Variants in PCOLCE2 observed in about 807,000 individuals in gnomAD.
The protein encoded by PCOLCE2 is procollagen C-endopeptidase enhancer 2.
PCOLCE2 carries 42 observed loss-of-function variants against 47.0 expected under a neutral mutation model. The observed-to-expected ratio is 0.89, with a 90% CI of 0.70 to 1.16. PCOLCE2 has a LOEUF of 1.16. PCOLCE2 is among the 50% of genes most tolerant of loss of function. The pLI is 0.00. For synonymous variants in PCOLCE2, 169 were observed against 191.7 expected (o/e 0.88, Z 0.98); for missense variants, 500 against 526.1 (o/e 0.95, Z 0.49).
chr3:142,818,094 T>C lies in PCOLCE2; in HGVS notation c.*241A>G. On this transcript the variant is annotated 3_prime_UTR_variant, in exon 9 of 9. Coordinates refer to ENST00000295992, the MANE Select transcript of PCOLCE2 (RefSeq NM_013363.4). ...TCAACGCTTGACACTTTTAGCTTCC[T>C]ATCACCGCACTAAGTCGGCAGGTTT... 1 of 386,362 alleles carries C rather than the reference T, an allele frequency of 2.6e-6. No homozygotes were observed. The highest frequency in any genetic ancestry group is 4.7e-6 in the Non-Finnish European group (1 of 212,874). The allele number at this position is 386,362 out of a possible 1,614,324, so 23.9% of individuals were successfully genotyped here.
intron 3 of PCOLCE2, chr3:142,846,798 G>A (rs977155968): frequency 1.3e-5 from 2 of 151,972 alleles, no homozygotes; most frequent in Admixed American, 1.3e-4. Context: ...TTTATCTCTA[G>A]AATTATTAAT....
intron 3 of PCOLCE2, among the ~76,000 whole-genome samples, chr3:142,843,648 G>A (rs180742439): frequency 3.9e-5 from 6 of 152,030 alleles, no homozygotes; most frequent in Non-Finnish European, 8.8e-5. Flanking sequence ...AAATTAATAG[G>A]TGACAAATAT....
intron 2 of PCOLCE2, among the ~76,000 whole-genome samples, chr3:142,885,482 G>A (rs1933704065): frequency 6.6e-6 from 1 of 152,252 alleles, no homozygotes; most frequent in Non-Finnish European, 1.5e-5. Context: ...ACCTTTAATA[G>A]ATGGCCTTGG....
intron 2 of PCOLCE2, among the ~76,000 whole-genome samples, chr3:142,876,946 A>T (rs779633178): frequency 1.6e-4 from 24 of 152,240 alleles, no homozygotes; most frequent in Non-Finnish European, 3.4e-4. Flanking sequence ...ACTCACCAGC[A>T]CAACAGTGGA....
chr3:142,818,534 A>G, intron 8 of PCOLCE2, 69 bp from the exon 9 acceptor site: 2 of 1,116,864 alleles, frequency 1.8e-6, no homozygotes, highest in South Asian at 2.5e-5. Context: ...TTAGACTGTA[A>G]GTTACCTCTA....
chr3:142,867,476 T>A (rs13078152), intron 2 of PCOLCE2, among the ~76,000 whole-genome samples: 4,288 of 152,140 alleles, frequency 0.028, 89 homozygotes, highest in Middle Eastern at 0.068. Flanking sequence ...GGAAAAAAAA[T>A]TTGCAATACA....
At position 142,838,842 on chromosome 3, in the gene PCOLCE2, A is replaced by T; in HGVS notation, c.638T>A (p.Val213Glu). Residue 213 changes from valine (V) to glutamate (E), a missense_variant, in exon 5 of 9, where the codon GTG becomes GAG. By Grantham distance (121) the Val-to-Glu change is moderately radical (BLOSUM62 -2). Transcript: ENST00000295992. ...ERDNYCRYDY[V>E]AVFNGGEVND... is the part of the protein sequence containing the mutation. ...GACTTCCCCGCCATTAAACACAGCC[A>T]CATAATCATATCGGCAGTAGTTATC... 10 of 1,612,616 alleles carry T rather than the reference A, an allele frequency of 6.2e-6. No homozygotes were observed. Among genetic ancestry groups the T allele is most frequent in the Non-Finnish European group, 8.5e-6 (10 of 1,178,606 alleles).
intron 2 of PCOLCE2, among the ~76,000 whole-genome samples, chr3:142,873,842 CA>C (rs1316454608): frequency 1.3e-5 from 2 of 152,132 alleles, no homozygotes; most frequent in Non-Finnish European, 2.9e-5. Flanking sequence ...AGAGACATAG[CA>C]GGGGAGGACA....
At chr3:142,826,325 GGAA>G (rs1937077611) in intron 6 of PCOLCE2, among the ~76,000 whole-genome samples, 1 of 152,064 alleles carries the variant, frequency 6.6e-6, no homozygotes, top group African/African-American at 2.4e-5. Flanking sequence ...CTATTTTCTA[GGAA>G]GAAGAGAAGC....
At chr3:142,877,015 T>G (rs61550656) in intron 2 of PCOLCE2, among the ~76,000 whole-genome samples, 1 of 152,124 alleles carries the variant, frequency 6.6e-6, no homozygotes, top group Non-Finnish European at 1.5e-5. Flanking sequence ...AAATACACTC[T>G]TAACCACCAT....
At chr3:142,876,486 C>T (rs1933500530) in intron 2 of PCOLCE2, among the ~76,000 whole-genome samples, 1 of 152,136 alleles carries the variant, frequency 6.6e-6, no homozygotes, top group Non-Finnish European at 1.5e-5. Context: ...AAACCACCCC[C>T]AAATTTAGTG....
At chr3:142,826,074 G>A (rs533808978) in intron 6 of PCOLCE2, among the ~76,000 whole-genome samples, 5 of 151,704 alleles carry the variant, frequency 3.3e-5, no homozygotes, top group South Asian at 4.2e-4. Flanking sequence ...GCGCGATGTC[G>A]GCTCACTGCA....
Position 142,827,714 on chromosome 3 carries a change from G to C in PCOLCE2, c.865+1978C>G. 4 of 942,312 alleles carry C rather than the reference G, an allele frequency of 4.2e-6. 1 individual carries two copies. The South Asian group carries it at 5.7e-5, about 13-fold the overall frequency. 58.4% of individuals were successfully genotyped at this position (942,312 alleles called of 1,614,324 possible). A position where few individuals can be genotyped will look rare whatever the true frequency, so the allele number is the denominator to read the frequency against. On this transcript the variant is annotated intron_variant, in intron 6 of 8. Transcript: ENST00000295992. The stretch of plus-strand genomic sequence containing the variant: ...CTTGGGGAGGGGCGCGCTGTGACCC[G>C]AGTTGTGGATGATGGGTGACTCTTA...
chr3:142,840,430 C>T (rs1937252366), intron 4 of PCOLCE2, among the ~76,000 whole-genome samples: 1 of 152,180 alleles, frequency 6.6e-6, no homozygotes, highest in Non-Finnish European at 1.5e-5. Context: ...TCTTGCCGAG[C>T]AGCAAGTGGG....
At chr3:142,887,145 T>C (rs1483673325) in intron 2 of PCOLCE2, 1 of 137,724 alleles carries the variant, frequency 7.3e-6, no homozygotes, top group African/African-American at 3.1e-5. Flanking sequence ...TTGGCTGCTA[T>C]TTAGATTCCC....
In PCOLCE2 at chr3:142,887,686, A is replaced by C. The variant is rs756419140; in HGVS notation, c.175T>G (p.Cys59Gly). The C allele has an allele frequency of 1.9e-6, 3 of 1,576,670 alleles. No homozygotes were observed. Among genetic ancestry groups the C allele is most frequent in the Non-Finnish European group, 2.6e-6 (3 of 1,146,044 alleles). ...ATGCTTACTGTGATTTTCCAAGTAC[A>C]TTTGCTATTTGGAGGGTACACTCCA... ...FPGVYPPNSK[C>G]TWKITVPEGK... Residue 59 changes from cysteine to glycine, a missense_variant, in exon 2 of 9, where the codon TGT becomes GGT. Cys to Gly is a radical substitution (Grantham distance 159). Coordinates refer to ENST00000295992, the MANE Select transcript of PCOLCE2 (RefSeq NM_013363.4).
chr3:142,882,753 G>A (rs773765918), intron 2 of PCOLCE2, among the ~76,000 whole-genome samples: 2 of 151,890 alleles, frequency 1.3e-5, no homozygotes, highest in African/African-American at 2.4e-5. Context: ...CCAGATCATC[G>A]CCTTTTAAAA....
intron 6 of PCOLCE2, among the ~76,000 whole-genome samples, chr3:142,826,016 T>TC (rs1937072383): frequency 6.6e-6 from 1 of 151,816 alleles, no homozygotes; most frequent in African/African-American, 2.4e-5. Context: ...TTTTTTTTTT[T>TC]CTTTTTGAGA....
At chr3:142,879,493 C>CA (rs1442405728) in intron 2 of PCOLCE2, among the ~76,000 whole-genome samples, 1 of 152,130 alleles carries the variant, frequency 6.6e-6, no homozygotes, top group Non-Finnish European at 1.5e-5. Context: ...GAAAGCTAAA[C>CA]AAATTTAGAA....
Sources: allele counts gnomAD v4.1 joint callset (sites outside exome capture counted in the v4.1 genomes callset), GRCh38; gene constraint gnomAD v4.1.1; transcripts MANE v1.5; gene names NCBI Gene and HGNC (gene_info 2026-07-23, HGNC 2026-07-21).